UGT1A7: variants seen among roughly 807,000 people sequenced by gnomAD.
The protein encoded by UGT1A7 is UDP-glucuronosyltransferase 1A7.
In UGT1A7, 33 loss-of-function variants were observed where a neutral mutation model predicts 45.6. The observed-to-expected ratio is 0.72, with a 90% CI of 0.55 to 0.97. The LOEUF is 0.97. Among genes scored for constraint, UGT1A7 ranks in the 50% least tolerant of loss-of-function variants. The pLI is 0.00. For synonymous variants in UGT1A7, 274 were observed against 250.6 expected, an observed-to-expected ratio of 1.09 and a Z score of -0.88; for missense variants, 684 against 666.2, an observed-to-expected ratio of 1.03 and a Z score of -0.29.
intron 1 of UGT1A7, among the ~76,000 whole-genome samples, chr2:233,696,335 C>T (rs1189013784): frequency 6.6e-6 from 1 of 152,172 alleles, no homozygotes; most frequent in Non-Finnish European, 1.5e-5. Context: ...TTTCCTTATA[C>T]AGATCTTTCA....
chr2:233,715,021 C>T (rs12477216), intron 1 of UGT1A7, among the ~76,000 whole-genome samples: 15,421 of 152,076 alleles, frequency 0.1, 899 homozygotes, highest in East Asian at 0.2. Context: ...GAACTACAGG[C>T]GCATGGCACC....
intron 1 of UGT1A7, among the ~76,000 whole-genome samples, chr2:233,718,242 C>T (rs2076642509): frequency 6.6e-6 from 1 of 152,148 alleles, no homozygotes; most frequent in Non-Finnish European, 1.5e-5. Flanking sequence ...CCTCTTTGAG[C>T]TTTACAAGAA....
intron 1 of UGT1A7, among the ~76,000 whole-genome samples, chr2:233,702,234 A>G (rs1420073908): frequency 2.0e-5 from 3 of 152,140 alleles, no homozygotes; most frequent in African/African-American, 7.2e-5. Flanking sequence ...GAATTTGCCT[A>G]TTTCTATGGA....
chr2:233,704,004 C>T, intron 1 of UGT1A7, among the ~76,000 whole-genome samples: 1 of 152,074 alleles, frequency 6.6e-6, no homozygotes, highest in East Asian at 1.9e-4. Flanking sequence ...AGTTCTCCCA[C>T]CTCAGCCGCC....
chr2:233,713,105 C>T (rs1300950755), intron 1 of UGT1A7: 1 of 1,614,094 alleles, frequency 6.2e-7, no homozygotes, highest in African/African-American at 1.3e-5. Flanking sequence ...CCACTGATGG[C>T]AGCCACTGGC....
intron 1 of UGT1A7, among the ~76,000 whole-genome samples, chr2:233,717,124 A>G (rs1167442935): frequency 1.3e-5 from 2 of 152,206 alleles, no homozygotes; most frequent in African/African-American, 4.8e-5. Context: ...CTACATGGAA[A>G]TAGAACACCA....
At chr2:233,747,905 T>G in intron 1 of UGT1A7, 2 of 1,613,538 alleles carry the variant, frequency 1.2e-6, no homozygotes, top group Non-Finnish European at 1.7e-6. Flanking sequence ...CTGCTCCTTA[T>G]GCAAGCCTTG....
Position 233,690,372 on chromosome 2 carries a change from A to G in UGT1A7, c.855+7580A>G, listed in dbSNP as rs972097637. ...GCACCTTAGAAGCAAACCTCTCCAT[A>G]GGGTCCACGTTTCCAGACCTTCCTA... On this transcript the variant is annotated intron_variant, in intron 1 of 4. Transcript: ENST00000373426. 3.4e-6 allele frequency: 3 copies of G among 873,396 alleles called. No homozygotes were observed. In the Admixed American group the frequency reaches 8.6e-5, roughly 25 times the overall value. The allele number at this position is 873,396 out of a possible 1,614,324, so 54.1% of individuals were successfully genotyped here.
At chr2:233,756,964 A>G (rs1482766015) in intron 1 of UGT1A7, among the ~76,000 whole-genome samples, 2 of 152,056 alleles carry the variant, frequency 1.3e-5, no homozygotes, top group African/African-American at 4.8e-5. Context: ...GGCACTTGGT[A>G]AGCACGCAAT....
chr2:233,769,044 C>T lies in UGT1A7; in HGVS notation c.1295+605C>T, dbSNP rs1247244577. ...AAGTTGCCATAATAGACATCTGATC[C>T]ATAAGTTTCCTGCACAGAAAGAAAT... On this transcript the variant is annotated intron_variant, in intron 4 of 4. Coordinates refer to ENST00000373426, the MANE Select transcript of UGT1A7 (RefSeq NM_019077.3). The surrounding 1 kb of genome is among the most constrained non-coding windows in gnomAD (Gnocchi z 4.4). Among the ~76,000 whole-genome samples the T allele has an allele frequency of 6.6e-6, 1 of 152,006 alleles. No individual in the cohort carries two copies. The highest frequency in any genetic ancestry group is 1.5e-5 in the Non-Finnish European group (1 of 68,012).
chr2:233,767,603 A>G (rs1699427666), intron 2 of UGT1A7, among the ~76,000 whole-genome samples: 1 of 152,166 alleles, frequency 6.6e-6, no homozygotes, highest in African/African-American at 2.4e-5. Context: ...GGAAAGTGAA[A>G]AAATCCTAAG....
intron 1 of UGT1A7, among the ~76,000 whole-genome samples, chr2:233,687,438 C>T (rs1214319120): frequency 1.3e-5 from 2 of 151,960 alleles, no homozygotes; most frequent in Non-Finnish European, 2.9e-5. Flanking sequence ...CCAGGTGCTA[C>T]CCTAAGTATT....
intron 1 of UGT1A7, chr2:233,760,235 T>C (rs1697361958): frequency 1.4e-5 from 17 of 1,221,898 alleles, no homozygotes; most frequent in Non-Finnish European, 1.8e-5. Context: ...GTTTTTGCCA[T>C]ATATATATAT....
At chr2:233,747,965 T>C (rs1575687176) in intron 1 of UGT1A7, 2 of 1,613,472 alleles carry the variant, frequency 1.2e-6, no homozygotes, top group Non-Finnish European at 1.7e-6. Flanking sequence ...TTCTCAGCCA[T>C]GCATCTGTGT....
At position 233,772,972 on chromosome 2, in the gene UGT1A7, C is replaced by A; in HGVS notation, c.*413C>A. The A allele has an allele frequency of 3.3e-6, 1 of 304,366 alleles. No homozygotes were observed. The highest frequency in any genetic ancestry group is 6.3e-6 in the Non-Finnish European group (1 of 158,956). 18.9% of individuals were successfully genotyped at this position (304,366 alleles called of 1,614,324 possible). On this transcript the variant is annotated 3_prime_UTR_variant, in exon 5 of 5. Transcript: ENST00000373426. ...CAGATGGTTGCAATTGATCCTTAAC[C>A]AATAATGGTCAGTCCTCATCTCTGT...
intron 1 of UGT1A7, among the ~76,000 whole-genome samples, chr2:233,720,036 T>C (rs2076824550): frequency 6.6e-6 from 1 of 152,194 alleles, no homozygotes; most frequent in Admixed American, 6.5e-5. Context: ...GCTTGCCTGA[T>C]TTTCAGCTGA....
At chr2:233,713,021 G>C (rs201536382) in intron 1 of UGT1A7, 1 of 1,613,716 alleles carries the variant, frequency 6.2e-7, no homozygotes, top group Non-Finnish European at 8.5e-7. Flanking sequence ...TTCCCCTGCC[G>C]CAGCTGGCCA....
At chr2:233,700,286 G>A (rs758279601) in intron 1 of UGT1A7, among the ~76,000 whole-genome samples, 17 of 152,194 alleles carry the variant, frequency 1.1e-4, no homozygotes, top group Admixed American at 7.9e-4. Flanking sequence ...TTTAAAATAC[G>A]TGACTTAGGC....
chr2:233,710,897 G>C (rs541299321), intron 1 of UGT1A7, among the ~76,000 whole-genome samples: 7 of 152,296 alleles, frequency 4.6e-5, no homozygotes, highest in African/African-American at 1.7e-4. Context: ...TGTAGGTTTG[G>C]GTGGAAAGAG....
Sources: allele counts gnomAD v4.1 joint callset (sites outside exome capture counted in the v4.1 genomes callset), GRCh38; gene constraint gnomAD v4.1.1; non-coding constraint Gnocchi (gnomAD v3.1); transcripts MANE v1.5; gene names NCBI Gene and HGNC (gene_info 2026-07-23, HGNC 2026-07-21).